The following PDE1C variants were observed in gnomAD, a reference collection of about 807,000 sequenced individuals.
PDE1C encodes the protein phosphodiesterase 1C.
Under a neutral mutation model 93.1 loss-of-function variants are expected in PDE1C, and 62 were observed. The ratio of observed to expected loss-of-function variants is 0.67; its 90% CI spans 0.54 to 0.82. The LOEUF is 0.82. PDE1C is among the 40% of genes least tolerant of loss of function. The probability of loss-of-function intolerance (pLI) is 0.00; values close to 1 mark genes in which losing one functional copy is unlikely to be tolerated. For missense variants in PDE1C, 742 were observed against 884.6 expected, an observed-to-expected ratio of 0.84 and a Z score of 2.04; for synonymous variants, 325 against 310.1, an observed-to-expected ratio of 1.05 and a Z score of -0.50.
rs761411793 is a variant in PDE1C at position 31,753,408 on chromosome 7, G to A, written c.2106C>T (p.Ile702=). The A allele has an allele frequency of 6.8e-5, 110 of 1,612,232 alleles. No individual in the cohort carries two copies. Among genetic ancestry groups the A allele is most frequent in the Admixed American group, 1.2e-4 (7 of 59,956 alleles). ...QRIKMKKIQN[I]SHNWNRK is the part of the protein sequence containing the mutation. ...CCTATTTTCTGTTCCAGTTATGTGA[G>A]ATGTTCTGAATCTTTTTCATTTTGA... is the stretch of plus-strand genomic sequence containing the variant. Residue 702 remains isoleucine (I), a synonymous_variant, in exon 18 of 18, where the codon ATC becomes ATT. Coordinates refer to ENST00000396191, the MANE Select transcript of PDE1C (RefSeq NM_001191057.4).
chr7:31,988,027 AAGTT>A (rs2129070268), intron 2 of PDE1C, among the ~76,000 whole-genome samples: 1 of 152,284 alleles, frequency 6.6e-6, no homozygotes, highest in African/African-American at 2.4e-5. Context: ...AAAGGGAAGG[AAGTT>A]AGGGTAGATG....
chr7:32,124,544 C>T (rs190252697), intron 3 of PDE1C, among the ~76,000 whole-genome samples: 244 of 152,156 alleles, frequency 1.6e-3, no homozygotes, highest in Non-Finnish European at 2.4e-3. Flanking sequence ...GTCGGAAATA[C>T]ACCACACATC....
chr7:31,809,665 G>T (rs2128711059), intron 15 of PDE1C, among the ~76,000 whole-genome samples: 1 of 152,162 alleles, frequency 6.6e-6, no homozygotes, highest in South Asian at 2.1e-4. Flanking sequence ...CCACTTATGA[G>T]GGAATAGTAA....
At chr7:32,100,087 A>G (rs780999780) in intron 3 of PDE1C, among the ~76,000 whole-genome samples, 1 of 152,212 alleles carries the variant, frequency 6.6e-6, no homozygotes, top group Non-Finnish European at 1.5e-5. Context: ...GTCAGAGAAG[A>G]GTCCCTTAGA....
chr7:32,082,568 CT>C (rs1445001191), intron 3 of PDE1C, among the ~76,000 whole-genome samples: 1 of 152,246 alleles, frequency 6.6e-6, no homozygotes, highest in Non-Finnish European at 1.5e-5. Flanking sequence ...TCCCTGACCC[CT>C]GACCCCTGAG....
At position 32,135,794 on chromosome 7, in the gene PDE1C, A is replaced by G. The variant is rs77315197; in HGVS notation, c.308+33991T>C. On this transcript the variant is annotated intron_variant, in intron 3 of 18. Transcript: ENST00000396193. ...TATATATCCAAAGAAAATGAAATTCATATCTTGAAGAGATATCTATACGTT... is the reference window on the plus strand; with the variant it reads ...TATATATCCAAAGAAAATGAAATTCGTATCTTGAAGAGATATCTATACGTT... Among the ~76,000 whole-genome samples the G allele has an allele frequency of 5.1e-3, 773 of 152,324 alleles. 6 individuals carry two copies. The highest frequency in any genetic ancestry group is 0.018 in the African/African-American group (728 of 41,570).
intron 1 of PDE1C, among the ~76,000 whole-genome samples, chr7:32,367,404 C>T (rs1784248319): frequency 6.6e-6 from 1 of 152,186 alleles, no homozygotes; most frequent in African/African-American, 2.4e-5. Flanking sequence ...AGTAAGTTCT[C>T]ACCTATCAAT....
intron 16 of PDE1C, among the ~76,000 whole-genome samples, chr7:31,776,611 C>T (rs903335303): frequency 9.2e-5 from 14 of 152,030 alleles, no homozygotes; most frequent in Non-Finnish European, 2.1e-4. Flanking sequence ...TATATACATA[C>T]GCATATATTT....
intron 2 of PDE1C, among the ~76,000 whole-genome samples, chr7:31,988,360 A>G (rs1235298678): frequency 6.6e-6 from 1 of 152,234 alleles, no homozygotes; most frequent in African/African-American, 2.4e-5. Context: ...TAATGCCAAC[A>G]TGTATAAGTC....
the PDE1C span, chr7:31,695,839 C>A: frequency 2.6e-6 from 1 of 380,742 alleles, no homozygotes; most frequent in Non-Finnish European, 4.6e-6. Context: ...ATTTTTTTTA[C>A]CTACCAATAG....
intron 3 of PDE1C, among the ~76,000 whole-genome samples, chr7:32,099,985 T>A (rs1309559034): frequency 1.3e-5 from 2 of 152,094 alleles, no homozygotes; most frequent in African/African-American, 4.8e-5. Flanking sequence ...ACCTTCTACA[T>A]CCCCGTTTTC....
At chr7:31,870,392 TAAAC>T (rs1269603329) in intron 6 of PDE1C, among the ~76,000 whole-genome samples, 2 of 151,430 alleles carry the variant, frequency 1.3e-5, no homozygotes, top group South Asian at 2.1e-4. Context: ...AAGATCCAAA[TAAAC>T]AACATCAGAA....
intron 1 of PDE1C, among the ~76,000 whole-genome samples, chr7:32,381,689 C>G (rs1784537940): frequency 6.6e-6 from 1 of 152,226 alleles, no homozygotes; most frequent in African/African-American, 2.4e-5. Flanking sequence ...GGCAGAGAGG[C>G]TTTCCCTGGC....
chr7:32,240,690 TG>T (rs1808482004), intron 1 of PDE1C, among the ~76,000 whole-genome samples: 1 of 152,050 alleles, frequency 6.6e-6, no homozygotes, highest in Admixed American at 6.5e-5. Flanking sequence ...CAAGACAAGA[TG>T]GGGTCCTCCA....
At chr7:31,898,566 A>T (rs1344887973) in intron 2 of PDE1C, among the ~76,000 whole-genome samples, 1 of 152,186 alleles carries the variant, frequency 6.6e-6, no homozygotes, top group Admixed American at 6.5e-5. Flanking sequence ...GCTGTCATAA[A>T]CTGTATTAAA....
In PDE1C at chr7:32,078,691, G is replaced by A. The variant is rs114851713; in HGVS notation, c.308+91094C>T. Among the ~76,000 whole-genome samples the A allele has an allele frequency of 4.4e-3, 675 of 152,242 alleles. 7 individuals carry two copies. The highest frequency in any genetic ancestry group is 0.015 in the African/African-American group (634 of 41,556). ...TATAATCCCGGCACTTTGGGAGGCC[G>A]AGGCAGGAGGATCTCATGAGGCTAG... On this transcript the variant is annotated intron_variant, in intron 3 of 18. Coordinates refer to the PDE1C transcript ENST00000396193.
At chr7:32,126,601 G>A (rs1563334621) in intron 3 of PDE1C, among the ~76,000 whole-genome samples, 1 of 152,078 alleles carries the variant, frequency 6.6e-6, no homozygotes, top group Non-Finnish European at 1.5e-5. Context: ...CAGAAAAGGA[G>A]TATATCTGTG....
intron 15 of PDE1C, among the ~76,000 whole-genome samples, chr7:31,815,238 G>T (rs1383759716): frequency 6.6e-6 from 1 of 152,138 alleles, no homozygotes; most frequent in Non-Finnish European, 1.5e-5. Flanking sequence ...TTTGGAGGAT[G>T]TCTCTATCAC....
intron 3 of PDE1C, among the ~76,000 whole-genome samples, chr7:32,083,871 A>C (rs540071675): frequency 8.6e-4 from 131 of 152,214 alleles, no homozygotes; most frequent in East Asian, 7.4e-3. Context: ...TGGAAAGGAA[A>C]AACCGGTACC....
Sources: gnomAD v4.1 joint callset for allele counts (sites outside exome capture counted in the v4.1 genomes callset) on GRCh38, gnomAD v4.1.1 for gene constraint, MANE v1.5 for transcripts, NCBI Gene and HGNC (gene_info 2026-07-23, HGNC 2026-07-21) for gene names.